Variants in ERG observed in about 807,000 individuals in gnomAD.
ERG encodes ETS transcription factor ERG.
In ERG, 9 loss-of-function variants were observed where a neutral mutation model predicts 55.3. The ratio of observed to expected loss-of-function variants is 0.16; its 90% CI spans 0.10 to 0.28. The LOEUF (loss-of-function observed/expected upper bound fraction) is 0.28. Among genes scored for constraint, ERG ranks in the 10% least tolerant of loss-of-function variants. The pLI, the probability that ERG is intolerant of heterozygous loss-of-function variation, is 1.00. For synonymous variants in ERG, 223 were observed against 237.3 expected (o/e 0.94, Z 0.55); for missense variants, 434 against 631.6 (o/e 0.69, Z 3.35).
rs397797559 is a variant in ERG at position 38,625,915 on chromosome 21, C to CTTT, written c.-150+35740_-150+35742dup. Among the ~76,000 whole-genome samples the CTTT allele has an allele frequency of 4.5e-3, 378 of 84,464 alleles. 1 individual carries two copies. The highest frequency in any genetic ancestry group is 6.6e-3 in the African/African-American group (133 of 20,054). 55.4% of individuals were successfully genotyped at this position (84,464 alleles called of 152,430 possible). A position where few individuals can be genotyped will look rare whatever the true frequency, so the allele number is the denominator to read the frequency against. On this transcript the variant is annotated intron_variant, in intron 1 of 10. Coordinates refer to the ERG transcript ENST00000398910. The stretch of plus-strand genomic sequence containing the variant: ...TACAATAAAAATAATACTTGAAGCT[C>CTTT]TTTTTTTTTTTTTTTTTTTTTTTTT...
chr21:38,384,574 T>A (rs1987603299), intron 9 of ERG, among the ~76,000 whole-genome samples: 1 of 141,934 alleles, frequency 7.0e-6, no homozygotes, highest in Admixed American at 6.8e-5. Context: ...GAGCTATATA[T>A]TTTTTTTTCC....
At chr21:38,390,358 T>G (rs1415577356) in intron 9 of ERG, among the ~76,000 whole-genome samples, 1 of 152,242 alleles carries the variant, frequency 6.6e-6, no homozygotes, top group African/African-American at 2.4e-5. Flanking sequence ...TTATTTTATC[T>G]GCTTGTATAA....
intron 2 of ERG, among the ~76,000 whole-genome samples, chr21:38,534,762 T>C (rs1254858439): frequency 6.6e-6 from 1 of 152,132 alleles, no homozygotes; most frequent in Admixed American, 6.5e-5. Context: ...AAAGAGTTCT[T>C]TGTACAGCCA....
intron 1 of ERG, among the ~76,000 whole-genome samples, chr21:38,489,082 GGGCT>G (rs1474926043): frequency 6.6e-6 from 1 of 152,180 alleles, no homozygotes; most frequent in African/African-American, 2.4e-5. Flanking sequence ...GTCTCTGGTT[GGGCT>G]GGCTATCTGT....
At chr21:38,628,876 T>C (rs1263689285) in intron 1 of ERG, among the ~76,000 whole-genome samples, 1 of 152,212 alleles carries the variant, frequency 6.6e-6, no homozygotes. Flanking sequence ...TTTTCTCTTT[T>C]GTCAAGAGAT....
At chr21:38,578,030 T>A (rs951966143) in intron 1 of ERG, among the ~76,000 whole-genome samples, 2 of 152,152 alleles carry the variant, frequency 1.3e-5, no homozygotes, top group African/African-American at 4.8e-5. Context: ...CAAGTCCCCA[T>A]ACCCTCAGCA....
At chr21:38,547,649 TTA>T (rs1568902624) in intron 2 of ERG, among the ~76,000 whole-genome samples, 1 of 152,258 alleles carries the variant, frequency 6.6e-6, no homozygotes, top group South Asian at 2.1e-4. Flanking sequence ...GTTTTGCTGT[TTA>T]TGTTGTAGAA....
At chr21:38,445,316 T>A in intron 2 of ERG, 88 bp downstream of exon 2, 1 of 1,035,326 alleles carries the variant, frequency 9.7e-7, no homozygotes, top group African/African-American at 1.6e-5. Context: ...AGTCAATCTT[T>A]AGAGAAGCAT....
chr21:38,382,220 ATTAT>A lies in ERG; in HGVS notation c.*1179_*1182del. On this transcript the variant is annotated 3_prime_UTR_variant, in exon 10 of 10. Transcript: ENST00000288319. ...AGTGTATAAATGCATAAGTTATATA[ATTAT>A]TATATAAAAAGGGGGAAAAACATTG... 1 of 1,047,254 alleles carries A rather than the reference ATTAT, an allele frequency of 9.5e-7. No homozygotes were observed. The highest frequency in any genetic ancestry group is 1.2e-6 in the Non-Finnish European group (1 of 867,172). The allele number at this position is 1,047,254 out of a possible 1,614,324, so 64.9% of individuals were successfully genotyped here. A position where few individuals can be genotyped will look rare whatever the true frequency, so the allele number is the denominator to read the frequency against.
At chr21:38,630,755 T>C (rs2060351943) in intron 1 of ERG, among the ~76,000 whole-genome samples, 1 of 152,212 alleles carries the variant, frequency 6.6e-6, no homozygotes, top group African/African-American at 2.4e-5. Flanking sequence ...CACCTTTATG[T>C]TTTCCTAGGA....
chr21:38,631,828 C>G (rs2060358785), intron 1 of ERG, among the ~76,000 whole-genome samples: 1 of 152,008 alleles, frequency 6.6e-6, no homozygotes, highest in African/African-American at 2.4e-5. Flanking sequence ...AGTCAGGAAG[C>G]ACGTCAGCCC....
In ERG at chr21:38,384,021, G is replaced by A. The variant is rs940355008; in HGVS notation, c.920-98C>T. On this transcript the variant is annotated intron_variant, in intron 9 of 9. Coordinates refer to ENST00000288319, the MANE Select transcript of ERG (RefSeq NM_182918.4). ...CGGAAGGAGGTGCTATTGGTGTGCCGCCCACATTCCCTTCACCAGGCCTGT... is the reference window on the plus strand; with the variant it reads ...CGGAAGGAGGTGCTATTGGTGTGCCACCCACATTCCCTTCACCAGGCCTGT... 1.8e-5 allele frequency: 26 copies of A among 1,456,974 alleles called. No individual in the cohort carries two copies. In the African/African-American group the frequency reaches 1.8e-4, roughly 10 times the overall value. The allele number at this position is 1,456,974 out of a possible 1,614,324, so 90.3% of individuals were successfully genotyped here.
chr21:38,488,547 G>A (rs571119056), intron 1 of ERG, among the ~76,000 whole-genome samples: 14 of 151,936 alleles, frequency 9.2e-5, no homozygotes, highest in Non-Finnish European at 2.1e-4. Flanking sequence ...TATTTGCTTC[G>A]GTTCAAAGGG....
At chr21:38,540,726 G>A (rs1251878948) in intron 2 of ERG, among the ~76,000 whole-genome samples, 1 of 152,114 alleles carries the variant, frequency 6.6e-6, no homozygotes, top group African/African-American at 2.4e-5. Flanking sequence ...TCCAATCCTT[G>A]CTAGGAATTA....
intron 9 of ERG, among the ~76,000 whole-genome samples, chr21:38,384,350 C>G (rs1300058755): frequency 1.3e-5 from 2 of 152,244 alleles, no homozygotes; most frequent in African/African-American, 4.8e-5. Flanking sequence ...CCCATTCTCT[C>G]TCTCCTGAGA....
chr21:38,646,018 C>G (rs533690981), intron 1 of ERG, among the ~76,000 whole-genome samples: 2 of 152,164 alleles, frequency 1.3e-5, no homozygotes, highest in Non-Finnish European at 2.9e-5. Flanking sequence ...GTGGCTCACG[C>G]CTGTAATCCC....
intron 2 of ERG, among the ~76,000 whole-genome samples, chr21:38,507,945 T>A: frequency 3.9e-3 from 1 of 256 alleles, no homozygotes; most frequent in East Asian, 0.083. Context: ...CCCATCACTC[T>A]CTCTCACACA....
downstream of ERG, among the ~76,000 whole-genome samples, chr21:38,378,764 T>C (rs7280528): frequency 0.16 from 24,941 of 152,182 alleles, 2,358 homozygotes; most frequent in South Asian, 0.32. Context: ...CAACCTAAGA[T>C]TGGGCAGTCA....
intron 3 of ERG, among the ~76,000 whole-genome samples, chr21:38,409,163 T>G (rs1252827657): frequency 6.6e-6 from 1 of 152,058 alleles, no homozygotes; most frequent in Admixed American, 6.6e-5. Context: ...AGGCAGCTTA[T>G]GACCACAACC....
Sources: allele counts gnomAD v4.1 joint callset (sites outside exome capture counted in the v4.1 genomes callset), GRCh38; gene constraint gnomAD v4.1.1; transcripts MANE v1.5; gene names NCBI Gene and HGNC (gene_info 2026-07-23, HGNC 2026-07-21).